OLFM4: variants seen among roughly 807,000 people sequenced by gnomAD.
OLFM4 encodes the protein olfactomedin-4.
A neutral mutation model predicts 25.5 loss-of-function variants in OLFM4; 22 were observed. The ratio of observed to expected loss-of-function variants is 0.86; its 90% CI spans 0.62 to 1.23. The LOEUF (loss-of-function observed/expected upper bound fraction) is 1.23, where lower values mean the gene tolerates loss of function less well. OLFM4 is among the 50% of genes most tolerant of loss of function. The probability of loss-of-function intolerance (pLI) is 0.00; values close to 1 mark genes in which losing one functional copy is unlikely to be tolerated. For synonymous variants in OLFM4, 255 were observed against 237.7 expected, an observed-to-expected ratio of 1.07 and a Z score of -0.67; for missense variants, 594 against 619.4, an observed-to-expected ratio of 0.96 and a Z score of 0.44.
rs1316174873 is a variant in OLFM4 at position 53,051,901 on chromosome 13, C to G, written c.*1130C>G. 1 of 152,046 alleles carries G rather than the reference C, an allele frequency of 6.6e-6. No individual in the cohort carries two copies. Among genetic ancestry groups the G allele is most frequent in the Non-Finnish European group, 1.5e-5 (1 of 67,998 alleles). 9.4% of individuals were successfully genotyped at this position (152,046 alleles called of 1,614,324 possible). A position where few individuals can be genotyped will look rare whatever the true frequency, so the allele number is the denominator to read the frequency against. On this transcript the variant is annotated 3_prime_UTR_variant, in exon 5 of 5. Coordinates refer to ENST00000219022, the MANE Select transcript of OLFM4 (RefSeq NM_006418.5). ...ATCAGTGCAGTAGTTGGAAACCTTGCTGGTGTATGTGATGTGCTTCTGTGC... is the reference window on the plus strand; with the variant it reads ...ATCAGTGCAGTAGTTGGAAACCTTGGTGGTGTATGTGATGTGCTTCTGTGC...
intron 4 of OLFM4, among the ~76,000 whole-genome samples, chr13:53,049,034 G>A (rs1954730330): frequency 6.6e-6 from 1 of 152,182 alleles, no homozygotes; most frequent in Non-Finnish European, 1.5e-5. Context: ...CCCAGACTGA[G>A]TTATTTACCC....
intron 4 of OLFM4, among the ~76,000 whole-genome samples, chr13:53,046,227 T>C: frequency 6.6e-6 from 1 of 152,158 alleles, no homozygotes; most frequent in South Asian, 2.1e-4. Flanking sequence ...GTTGAGAGAG[T>C]GCATTAATAG....
At chr13:53,047,616 C>T (rs1335530524) in intron 4 of OLFM4, among the ~76,000 whole-genome samples, 3 of 152,102 alleles carry the variant, frequency 2.0e-5, no homozygotes, top group African/African-American at 4.8e-5. Flanking sequence ...AAGTTTCATA[C>T]ATTTTAATAT....
In OLFM4 at chr13:53,043,327, G is replaced by T; in HGVS notation, c.730+63G>T. ...CCCATAAGGAGCTGTGAGTGGGGTG[G>T]GGAAGGGATTGGGGATTGCAATGGT... On this transcript the variant is annotated intron_variant, in intron 4 of 4. Transcript: ENST00000219022. 2 of 1,384,552 alleles carry T rather than the reference G, an allele frequency of 1.4e-6. 1 individual carries two copies. Among genetic ancestry groups the T allele is most frequent in the East Asian group, 5.1e-5 (2 of 39,468 alleles). The allele number at this position is 1,384,552 out of a possible 1,614,324, so 85.8% of individuals were successfully genotyped here.
chr13:53,041,535 C>G (rs1223535033), intron 2 of OLFM4, among the ~76,000 whole-genome samples: 1 of 152,080 alleles, frequency 6.6e-6, no homozygotes, highest in Non-Finnish European at 1.5e-5. Flanking sequence ...GGTTTAGTAC[C>G]TGCGAGACAA....
rs747755218 is a variant in OLFM4 at position 53,028,994 on chromosome 13, G to A, written c.158G>A (p.Gly53Asp). The change falls in exon 1 of 5, where the codon GGC becomes GAC. Residue 53 changes from glycine (G) to aspartate (D), a missense_variant. By Grantham distance (94) the Gly-to-Asp change is moderately conservative (BLOSUM62 -1). Coordinates refer to ENST00000219022, the MANE Select transcript of OLFM4 (RefSeq NM_006418.5). Reference protein sequence around the residue: ...SSSFSSSSRSGSSSSRSLGSG... With the variant: ...SSSFSSSSRSDSSSSRSLGSG... ...AGCTTCAGCTCCAGCTCCAGGTCGG[G>A]CTCCAGCTCCAGCCGCAGCTTAGGC... The A allele has an allele frequency of 4.3e-6, 7 of 1,614,122 alleles. No homozygotes were observed. The South Asian group carries it at 6.6e-5, about 15-fold the overall frequency.
chr13:53,042,635 A>G (rs1479376835), intron 3 of OLFM4, among the ~76,000 whole-genome samples: 2 of 152,212 alleles, frequency 1.3e-5, no homozygotes, highest in African/African-American at 4.8e-5. Context: ...AAAGACCATC[A>G]CATTAACGTT....
At chr13:53,049,100 G>C (rs2185961) in intron 4 of OLFM4, among the ~76,000 whole-genome samples, 28,749 of 152,014 alleles carry the variant, frequency 0.19, 2,837 homozygotes, top group African/African-American at 0.24. Flanking sequence ...CCACTTGATT[G>C]TACACATTGT....
intron 1 of OLFM4, among the ~76,000 whole-genome samples, chr13:53,029,343 C>T (rs1399328932): frequency 6.6e-6 from 1 of 152,020 alleles, no homozygotes; most frequent in African/African-American, 2.4e-5. Context: ...AGTACAGATG[C>T]CTGGGTTCTG....
intron 1 of OLFM4, among the ~76,000 whole-genome samples, chr13:53,031,107 A>T (rs1197534147): frequency 6.6e-6 from 1 of 152,240 alleles, no homozygotes; most frequent in African/African-American, 2.4e-5. Flanking sequence ...ACAGATATTT[A>T]AAAGTAGATG....
At chr13:53,039,260 T>G (rs2138235757) in intron 2 of OLFM4, among the ~76,000 whole-genome samples, 1 of 152,362 alleles carries the variant, frequency 6.6e-6, no homozygotes, top group Middle Eastern at 3.4e-3. Context: ...TTTCTCAAAC[T>G]TCCATTTCTG....
At chr13:53,034,193 G>A (rs1328094391) in intron 1 of OLFM4, among the ~76,000 whole-genome samples, 155 bp from the exon 2 acceptor site, 1 of 151,872 alleles carries the variant, frequency 6.6e-6, no homozygotes, top group East Asian at 1.9e-4. Context: ...TGAAAACAAA[G>A]CTGTTTTAGC....
At chr13:53,036,893 C>T (rs144664289) in intron 2 of OLFM4, among the ~76,000 whole-genome samples, 5 of 152,276 alleles carry the variant, frequency 3.3e-5, no homozygotes, top group African/African-American at 1.2e-4. Context: ...CTGGTTAAGC[C>T]AGGTCAGAAT....
At chr13:53,036,288 C>T (rs1394178062) in intron 2 of OLFM4, among the ~76,000 whole-genome samples, 1 of 152,114 alleles carries the variant, frequency 6.6e-6, no homozygotes, top group Admixed American at 6.6e-5. Flanking sequence ...CTTATTCCAG[C>T]ATAATCAAGT....
rs1365016204 is a variant in OLFM4 at position 53,050,156 on chromosome 13, C to T, written c.918C>T (p.Tyr306=). ...DGRLLEYYRL[Y]NTLDDLLLYI... ...GACTGTTGGAGTATTATAGACTGTA[C>T]AACACACTGGATGATTTGCTATTGT... is the stretch of plus-strand genomic sequence containing the variant. Residue 306 remains tyrosine, a synonymous_variant, in exon 5 of 5, where the codon TAC becomes TAT. Transcript: ENST00000219022. 6.2e-7 allele frequency: 1 copy of T among 1,613,938 alleles called. No homozygotes were observed. The highest frequency in any genetic ancestry group is 1.3e-5 in the African/African-American group (1 of 74,966).
Position 53,043,225 on chromosome 13 carries a change from G to A in OLFM4, c.691G>A (p.Asp231Asn), listed in dbSNP as rs373228105. Residue 231 changes from aspartate (D) to asparagine (N), a missense_variant, in exon 4 of 5, where the codon GAT becomes AAT. Physicochemically the swap from Asp to Asn is conservative, Grantham distance 23. Transcript: ENST00000219022. Reference sequence around the variant, plus strand: ...GCTGAAAGAGTGTGAGGCCTCTAAAGATCAAAACACCCCTGTCGTCCACCC... The same window carrying A: ...GCTGAAAGAGTGTGAGGCCTCTAAAAATCAAAACACCCCTGTCGTCCACCC... ...TKLKECEASK[D>N]QNTPVVHPPP... is the part of the protein sequence containing the mutation. 34 of 1,611,040 alleles carry A rather than the reference G, an allele frequency of 2.1e-5. No homozygotes were observed. The highest frequency in any genetic ancestry group is 8.8e-5 in the South Asian group (8 of 90,598).
At position 53,050,608 on chromosome 13, in the gene OLFM4, A is replaced by G. The variant is rs1954742669; in HGVS notation, c.1370A>G (p.Tyr457Cys). 2 of 1,614,072 alleles carry G rather than the reference A, an allele frequency of 1.2e-6. No homozygotes were observed. The highest frequency in any genetic ancestry group is 8.5e-7 in the Non-Finnish European group (1 of 1,179,992). Residue 457 changes from tyrosine (Y) to cysteine (C), a missense_variant, in exon 5 of 5, where the codon TAT becomes TGT. Physicochemically the swap from Tyr to Cys is radical, Grantham distance 194. Transcript: ENST00000219022. ...AGAACAGAAGAGATTTTTTACTATT[A>G]TGACACAAACACAGGGAAAGAGGGC... The part of the protein sequence containing the change: ...NTRTEEIFYY[Y>C]DTNTGKEGKL...
intron 2 of OLFM4, among the ~76,000 whole-genome samples, chr13:53,038,353 G>A (rs1052049098): frequency 1.6e-4 from 24 of 152,076 alleles, no homozygotes; most frequent in African/African-American, 4.6e-4. Context: ...TAAATGCATC[G>A]TTAGGTGATT....
chr13:53,040,797 C>T (rs1297244692), intron 2 of OLFM4, among the ~76,000 whole-genome samples: 4 of 152,076 alleles, frequency 2.6e-5, no homozygotes, highest in Non-Finnish European at 5.9e-5. Flanking sequence ...GGAGAGATGG[C>T]AAGAGACTAT....
Sources: gnomAD v4.1 joint callset for allele counts (sites outside exome capture counted in the v4.1 genomes callset) on GRCh38, gnomAD v4.1.1 for gene constraint, MANE v1.5 for transcripts, NCBI Gene and HGNC (gene_info 2026-07-23, HGNC 2026-07-21) for gene names.